Variants in MAP4K4 observed in about 807,000 individuals in gnomAD.
The protein encoded by MAP4K4 is HPK/GCK-like kinase HGK.
Under a neutral mutation model 189.6 loss-of-function variants are expected in MAP4K4, and 38 were observed. The observed-to-expected ratio is 0.20, with a 90% CI of 0.15 to 0.26. The LOEUF is 0.26. Among genes scored for constraint, MAP4K4 ranks in the 10% least tolerant of loss-of-function variants. The pLI, the probability that MAP4K4 is intolerant of heterozygous loss-of-function variation, is 1.00. For missense variants in MAP4K4, 1,054 were observed against 1,726.9 expected (o/e 0.61, Z 6.91); for synonymous variants, 610 against 624.3 (o/e 0.98, Z 0.34).
intron 2 of MAP4K4, among the ~76,000 whole-genome samples, chr2:101,713,289 C>A (rs2046614569): frequency 6.6e-6 from 1 of 151,680 alleles, no homozygotes; most frequent in Non-Finnish European, 1.5e-5. Flanking sequence ...TGACAGTGAT[C>A]AATTAAAAAA....
At chr2:101,785,728 CTCT>C (rs2090618575) in intron 2 of MAP4K4, among the ~76,000 whole-genome samples, 2 of 8,228 alleles carry the variant, frequency 2.4e-4, no homozygotes, top group Admixed American at 1.0e-3. Flanking sequence ...CTCTCTCTCT[CTCT>C]CTCTCTCTCT....
chr2:101,701,000 T>C (rs982427549), intron 2 of MAP4K4, among the ~76,000 whole-genome samples: 6 of 152,192 alleles, frequency 3.9e-5, no homozygotes, highest in African/African-American at 7.2e-5. Flanking sequence ...ATTAACACTT[T>C]AGAGTTTGTT....
intron 3 of MAP4K4, among the ~76,000 whole-genome samples, chr2:101,804,870 A>G (rs995982407): frequency 6.6e-6 from 1 of 151,974 alleles, no homozygotes; most frequent in African/African-American, 2.4e-5. Flanking sequence ...TCATGAAGTC[A>G]GGAGGCCAGC....
chr2:101,856,059 A>C (rs2097443035), exon 13 of MAP4K4: 2 of 1,551,680 alleles, frequency 1.3e-6, no homozygotes, highest in Non-Finnish European at 8.7e-7. Context: ...AGGCGTCTAG[A>C]GGAGTTGGAG....
chr2:101,894,529 T>C (rs1475444655), exon 33 of MAP4K4: 1 of 152,782 alleles, frequency 6.5e-6, no homozygotes, highest in Non-Finnish European at 1.5e-5. Flanking sequence ...GTAATACAAA[T>C]GACAAACTGC....
chr2:101,887,900 TG>T lies in MAP4K4; in HGVS notation c.3895del (p.Val1299Ter). ...ACACATATGGAAGGATCACCAAGGA[TG>T]TAGTTCTACAGTGGGGAGAGATGCC... is the stretch of plus-strand genomic sequence containing the variant. On this transcript the variant is annotated frameshift_variant, in exon 31 of 33. Coordinates refer to ENST00000324219, the Ensembl canonical transcript of MAP4K4. LOFTEE classifies it high-confidence loss of function. 1 of 1,611,634 alleles carries T rather than the reference TG, an allele frequency of 6.2e-7. No homozygotes were observed. Among genetic ancestry groups the T allele is most frequent in the Non-Finnish European group, 8.5e-7 (1 of 1,178,682 alleles).
chr2:101,786,490 G>A (rs576869664), intron 2 of MAP4K4, among the ~76,000 whole-genome samples: 3 of 152,284 alleles, frequency 2.0e-5, no homozygotes, highest in African/African-American at 7.2e-5. Flanking sequence ...GGGGATAACG[G>A]TTCTGGTTAT....
intron 3 of MAP4K4, among the ~76,000 whole-genome samples, chr2:101,798,804 C>G (rs1173088368): frequency 6.6e-6 from 1 of 152,152 alleles, no homozygotes; most frequent in African/African-American, 2.4e-5. Flanking sequence ...TTTCATTGTC[C>G]AAGAAAACAG....
chr2:101,729,251 A>AGT, intron 2 of MAP4K4, among the ~76,000 whole-genome samples: 1 of 60,362 alleles, frequency 1.7e-5, no homozygotes, highest in East Asian at 5.1e-4. Flanking sequence ...TTATGCTTAC[A>AGT]GTCTCTTTTA....
exon 33 of MAP4K4, chr2:101,892,792 TC>T (rs1333297785): frequency 2.4e-6 from 1 of 422,594 alleles, no homozygotes; most frequent in Non-Finnish European, 4.8e-6. Flanking sequence ...GTAATAAATG[TC>T]TTGAGAAAGA....
chr2:101,731,799 G>C (rs1381648769), intron 2 of MAP4K4, among the ~76,000 whole-genome samples: 1 of 151,426 alleles, frequency 6.6e-6, no homozygotes, highest in Middle Eastern at 3.2e-3. Context: ...GGAAAATAAA[G>C]GGAATTTTGA....
At chr2:101,855,916 A>G in intron 12 of MAP4K4, 61 bp from the exon 13 acceptor site, 2 of 1,501,960 alleles carry the variant, frequency 1.3e-6, no homozygotes, top group South Asian at 1.3e-5. Context: ...TCAGCACACT[A>G]TAACATCATG....
At chr2:101,866,128 T>C (rs1026839990) in intron 18 of MAP4K4, among the ~76,000 whole-genome samples, 3 of 152,226 alleles carry the variant, frequency 2.0e-5, no homozygotes, top group Non-Finnish European at 2.9e-5. Context: ...AACTGACTTG[T>C]AGCTGTGACA....
intron 2 of MAP4K4, among the ~76,000 whole-genome samples, chr2:101,707,760 G>A (rs1450218937): frequency 6.8e-6 from 1 of 147,610 alleles, no homozygotes; most frequent in Non-Finnish European, 1.5e-5. Flanking sequence ...GTGCAATCTC[G>A]GCTCACTGCA....
chr2:101,759,486 CTCCCCT>C (rs2074734083), intron 2 of MAP4K4, among the ~76,000 whole-genome samples: 2 of 70,656 alleles, frequency 2.8e-5, no homozygotes, highest in South Asian at 7.3e-4. Flanking sequence ...CTCCCCTCCC[CTCCCCT>C]CTCCTCCCCT....
chr2:101,734,866 T>C (rs1309483252), intron 2 of MAP4K4, among the ~76,000 whole-genome samples: 78 of 152,128 alleles, frequency 5.1e-4, no homozygotes, highest in Non-Finnish European at 2.9e-5. Context: ...GAGAGAAGGC[T>C]CTTGGGAAAA....
chr2:101,778,103 C>CA (rs1470242764), intron 2 of MAP4K4, among the ~76,000 whole-genome samples: 1 of 152,106 alleles, frequency 6.6e-6, no homozygotes, highest in African/African-American at 2.4e-5. Context: ...TTCCCTGGAG[C>CA]AGCAAGTCAG....
intron 2 of MAP4K4, among the ~76,000 whole-genome samples, chr2:101,730,205 GCTTT>G (rs1464158745): frequency 6.6e-6 from 1 of 152,144 alleles, no homozygotes; most frequent in Admixed American, 6.5e-5. Flanking sequence ...TGGCTATATG[GCTTT>G]CTGTCAGGAT....
chr2:101,822,564 A>G (rs780202479), intron 3 of MAP4K4, among the ~76,000 whole-genome samples: 3 of 152,226 alleles, frequency 2.0e-5, no homozygotes, highest in Non-Finnish European at 2.9e-5. Flanking sequence ...TATCATTTAT[A>G]TCTAATTAAT....
Sources: gnomAD v4.1 joint callset for allele counts (sites outside exome capture counted in the v4.1 genomes callset) on GRCh38, gnomAD v4.1.1 for gene constraint, MANE v1.5 for transcripts, NCBI Gene and HGNC (gene_info 2026-07-23, HGNC 2026-07-21) for gene names.